The following SNRPA1 variants were observed in gnomAD, a reference collection of about 807,000 sequenced individuals.
SNRPA1 encodes small nuclear ribonucleoprotein polypeptide A', also known as U2 small nuclear ribonucleoprotein A'.
Under a neutral mutation model 32.3 loss-of-function variants are expected in SNRPA1, and 5 were observed. The observed-to-expected ratio is 0.15, with a 90% confidence interval of 0.08 to 0.33. The LOEUF (loss-of-function observed/expected upper bound fraction) is 0.33, where lower values mean the gene tolerates loss of function less well. SNRPA1 is among the 10% of genes least tolerant of loss of function. The pLI is 1.00. For synonymous variants in SNRPA1, 111 were observed against 120.1 expected, an observed-to-expected ratio of 0.92 and a Z score of 0.50; for missense variants, 198 against 311.1, an observed-to-expected ratio of 0.64 and a Z score of 2.74.
At position 101,287,676 on chromosome 15, in the gene SNRPA1, G is replaced by A. The variant is rs2141309191; in HGVS notation, c.336C>T (p.Leu112=). The part of the protein sequence containing the change: ...ELGDLDPLAS[L]KSLTYLSILR... Reference sequence around the variant, plus strand: ...CATACCTTAGGTAAGTCAGCGATTTGAGAGATGCCAGAGGGTCCAGATCAC... The same window carrying A: ...CATACCTTAGGTAAGTCAGCGATTTAAGAGATGCCAGAGGGTCCAGATCAC... Residue 112 remains leucine, a synonymous_variant, in exon 4 of 9, where the codon CTC becomes CTT. Coordinates refer to ENST00000254193, the MANE Select transcript of SNRPA1 (RefSeq NM_003090.4). 1 of 1,613,858 alleles carries A rather than the reference G, an allele frequency of 6.2e-7. No individual in the cohort carries two copies. The highest frequency in any genetic ancestry group is 8.5e-7 in the Non-Finnish European group (1 of 1,179,784).
At chr15:101,290,986 C>G (rs1244618328) in intron 3 of SNRPA1, among the ~76,000 whole-genome samples, 1 of 152,106 alleles carries the variant, frequency 6.6e-6, no homozygotes, top group Non-Finnish European at 1.5e-5. Flanking sequence ...GTGATCCACC[C>G]GCCTCGGCCT....
intron 1 of SNRPA1, 111 bp from the exon 2 acceptor site, chr15:101,293,283 G>C (rs1160163912): frequency 1.4e-6 from 1 of 739,194 alleles, no homozygotes; most frequent in Non-Finnish European, 2.1e-6. Context: ...ATTTATTCAG[G>C]AAGTATTACC....
chr15:101,293,399 GACA>G (rs1358779872), intron 1 of SNRPA1: 4 of 382,854 alleles, frequency 1.0e-5, no homozygotes, highest in African/African-American at 6.2e-5. Flanking sequence ...AGAATCTGAT[GACA>G]ACAAGGACAA....
At chr15:101,285,582 T>G in intron 7 of SNRPA1, 144 bp downstream of exon 7, 1 of 616,022 alleles carries the variant, frequency 1.6e-6, no homozygotes, top group Non-Finnish European at 2.9e-6. Flanking sequence ...TTTATGCTAG[T>G]TTTTCCTTAA....
At chr15:101,281,931 C>T (rs934902138) in intron 8 of SNRPA1, 149 bp from the exon 9 acceptor site, 6 of 706,824 alleles carry the variant, frequency 8.5e-6, no homozygotes, top group Middle Eastern at 2.4e-4. Flanking sequence ...AGGAGCTTAT[C>T]GTCCAGGGAC....
intron 3 of SNRPA1, among the ~76,000 whole-genome samples, chr15:101,291,467 C>G (rs1358462597): frequency 6.6e-6 from 1 of 151,594 alleles, no homozygotes; most frequent in Non-Finnish European, 1.5e-5. Flanking sequence ...AACTTATTAT[C>G]CAAAACGTTA....
chr15:101,284,746 C>T (rs1273245572), intron 8 of SNRPA1: 11 of 383,144 alleles, frequency 2.9e-5, no homozygotes, highest in African/African-American at 4.2e-5. Context: ...AGGTGATCCG[C>T]CCGCCTCAGG....
chr15:101,283,206 A>C (rs1181046358), intron 8 of SNRPA1, among the ~76,000 whole-genome samples: 1 of 152,182 alleles, frequency 6.6e-6, no homozygotes, highest in Non-Finnish European at 1.5e-5. Context: ...TTGCTCCATC[A>C]GTGCAAATGT....
intron 8 of SNRPA1, among the ~76,000 whole-genome samples, chr15:101,284,188 T>C (rs1319900889): frequency 6.6e-6 from 1 of 152,256 alleles, no homozygotes; most frequent in Non-Finnish European, 1.5e-5. Context: ...AGCCTTGTGC[T>C]GTGTTCAGTC....
chr15:101,281,796 C>A lies in SNRPA1; in HGVS notation c.710-14G>T. On this transcript the variant is annotated splice_polypyrimidine_tract_variant and intron_variant, in intron 8 of 8. Transcript: ENST00000254193. ...CATCAGTGGGCCCTAAAGAAAACCA[C>A]CAAAGCAAAAGTAGTATCAATTTTA... 4.3e-6 allele frequency: 7 copies of A among 1,613,518 alleles called. No individual in the cohort carries two copies. The highest frequency in any genetic ancestry group is 5.9e-6 in the Non-Finnish European group (7 of 1,179,406).
chr15:101,291,519 C>T (rs1596472524), intron 3 of SNRPA1, among the ~76,000 whole-genome samples: 1 of 145,806 alleles, frequency 6.9e-6, no homozygotes, highest in African/African-American at 2.5e-5. Context: ...AGATAGTTTA[C>T]TTTTTTTTTT....
intron 7 of SNRPA1, 31 bp downstream of exon 7, chr15:101,285,695 T>C (rs369069441): frequency 2.0e-6 from 3 of 1,471,906 alleles, no homozygotes; most frequent in Non-Finnish European, 2.9e-6. Flanking sequence ...TCTTAGCTCA[T>C]TCCAGTCCAA....
intron 8 of SNRPA1, among the ~76,000 whole-genome samples, chr15:101,284,016 G>T (rs753630932): frequency 1.3e-5 from 2 of 152,232 alleles, no homozygotes; most frequent in African/African-American, 4.8e-5. Flanking sequence ...TCCCCAAGAC[G>T]GCAGTCTGAG....
chr15:101,287,766 G>C (rs1180813284), intron 3 of SNRPA1, 64 bp from the exon 4 acceptor site: 3 of 1,470,548 alleles, frequency 2.0e-6, no homozygotes, highest in Non-Finnish European at 2.8e-6. Context: ...TTCTGAAATG[G>C]AGAGTGCTTT....
At chr15:101,285,462 C>G (rs1173525205) in intron 7 of SNRPA1, among the ~76,000 whole-genome samples, 2 of 152,130 alleles carry the variant, frequency 1.3e-5, no homozygotes, top group African/African-American at 2.4e-5. Flanking sequence ...AGACAGCATA[C>G]CAAGGTAAGT....
At chr15:101,294,648 A>G (rs528163366) in intron 1 of SNRPA1, among the ~76,000 whole-genome samples, 1 of 152,290 alleles carries the variant, frequency 6.6e-6, no homozygotes, top group African/African-American at 2.4e-5. Flanking sequence ...TTGTTCGGGG[A>G]CTTAGTTTCC....
intron 1 of SNRPA1, among the ~76,000 whole-genome samples, chr15:101,293,817 TA>T (rs1327099610): frequency 6.6e-6 from 1 of 152,158 alleles, no homozygotes; most frequent in Non-Finnish European, 1.5e-5. Flanking sequence ...CAAGGTCTAC[TA>T]AAAAAAGAAC....
intron 3 of SNRPA1, chr15:101,288,099 G>A (rs28717014): frequency 0.024 from 4,905 of 208,562 alleles, 243 homozygotes; most frequent in African/African-American, 0.11. Flanking sequence ...CAGCTTCAGC[G>A]TCTAAGAACA....
At chr15:101,281,858 G>T in intron 8 of SNRPA1, 76 bp from the exon 9 acceptor site, 1 of 1,388,336 alleles carries the variant, frequency 7.2e-7, no homozygotes, top group Non-Finnish European at 1.0e-6. Flanking sequence ...TGTTTGTTCT[G>T]TGGCCACTGT....
Sources: allele counts gnomAD v4.1 joint callset (sites outside exome capture counted in the v4.1 genomes callset), GRCh38; gene constraint gnomAD v4.1.1; transcripts MANE v1.5; gene names NCBI Gene and HGNC (gene_info 2026-07-23, HGNC 2026-07-21).